GSE1: variants seen among roughly 807,000 people sequenced by gnomAD.
The protein encoded by GSE1 is genetic suppressor element 1.
A neutral mutation model predicts 112.6 loss-of-function variants in GSE1; 32 were observed. The ratio of observed to expected loss-of-function variants is 0.28; its 90% confidence interval spans 0.21 to 0.38. GSE1 has a LOEUF of 0.38. Ranked by LOEUF, GSE1 falls within the 10% of genes least tolerant of loss-of-function variation. GSE1 has a pLI of 1.00. For missense variants in GSE1, 2,348 were observed against 1,699.2 expected (o/e 1.38, Z -6.71); for synonymous variants, 1,115 against 735.6 (o/e 1.52, Z -8.35).
At chr16:85,626,008 C>A (rs1299783714) in intron 1 of GSE1, among the ~76,000 whole-genome samples, 1 of 152,126 alleles carries the variant, frequency 6.6e-6, no homozygotes, top group African/African-American at 2.4e-5. Flanking sequence ...AGGTCAGGAT[C>A]CTGGCCACCT....
chr16:85,552,645 G>C (rs1040451871), upstream of GSE1, among the ~76,000 whole-genome samples: 2 of 152,316 alleles, frequency 1.3e-5, no homozygotes, highest in Non-Finnish European at 2.9e-5. Flanking sequence ...GGTGGACCTC[G>C]ATGGCTGTCT....
intron 2 of GSE1, among the ~76,000 whole-genome samples, chr16:85,635,862 G>A (rs186542088): frequency 2.6e-5 from 4 of 152,342 alleles, no homozygotes; most frequent in Admixed American, 2.0e-4. Flanking sequence ...TCCTCGCCAA[G>A]GAAGGTGGTA....
At chr16:85,557,888 T>G (rs749031378) in intron 1 of GSE1, among the ~76,000 whole-genome samples, 1 of 152,148 alleles carries the variant, frequency 6.6e-6, no homozygotes, top group Non-Finnish European at 1.5e-5. Flanking sequence ...AGGTCTATGT[T>G]TTTTTCTTGG....
chr16:85,652,792 C>G (rs1003157062), intron 3 of GSE1, among the ~76,000 whole-genome samples: 2 of 152,158 alleles, frequency 1.3e-5, no homozygotes, highest in African/African-American at 2.4e-5. Context: ...TCTCAGAGCC[C>G]CTGGGCCATC....
intron 1 of GSE1, among the ~76,000 whole-genome samples, chr16:85,576,034 C>T (rs1357532244): frequency 2.0e-5 from 3 of 151,892 alleles, no homozygotes; most frequent in African/African-American, 4.8e-5. Context: ...GTTTCTTATC[C>T]TGGGCCCTGC....
rs996020651 is a variant in GSE1, at chr16:85,535,300, C to T, written c.2465-98614C>T. The stretch of plus-strand genomic sequence containing the variant: ...CAACAAGGCATCCTTACGGAGCCCT[C>T]GGGGAACGAGGTGCTCGTCTTTGCC... On this transcript the variant is annotated intron_variant, in intron 2 of 2. Coordinates refer to the GSE1 transcript ENST00000637419. Among the ~76,000 whole-genome samples, 6 of 152,240 alleles carry T rather than the reference C, an allele frequency of 3.9e-5. No homozygotes were observed. The South Asian group carries it at 6.2e-4, about 16-fold the overall frequency.
intron 2 of GSE1, among the ~76,000 whole-genome samples, chr16:85,443,085 CTGAT>C (rs1292645943): frequency 6.6e-6 from 1 of 152,226 alleles, no homozygotes; most frequent in Non-Finnish European, 1.5e-5. Context: ...TCTGAGATCT[CTGAT>C]TGATGACATC....
chr16:85,392,970 C>G (rs2047877677), intron 2 of GSE1, among the ~76,000 whole-genome samples: 1 of 152,230 alleles, frequency 6.6e-6, no homozygotes, highest in African/African-American at 2.4e-5. Context: ...CTCTCCCTGC[C>G]TCTTTGGGCT....
chr16:85,665,356 G>C (rs1164863854), intron 12 of GSE1, among the ~76,000 whole-genome samples: 1 of 152,232 alleles, frequency 6.6e-6, no homozygotes, highest in Non-Finnish European at 1.5e-5. Flanking sequence ...GGCTTCTGTG[G>C]AGCTCTACGT....
chr16:85,253,501 C>T (rs898023526), intron 1 of GSE1, among the ~76,000 whole-genome samples: 2 of 152,246 alleles, frequency 1.3e-5, no homozygotes, highest in Non-Finnish European at 2.9e-5. Context: ...TCTGCCTCCT[C>T]TTTCTGGAGT....
At chr16:85,619,994 C>T (rs2048628913) in intron 1 of GSE1, among the ~76,000 whole-genome samples, 4 of 152,162 alleles carry the variant, frequency 2.6e-5, no homozygotes, top group African/African-American at 7.2e-5. Flanking sequence ...TTCGGAAGGC[C>T]CTGTTTAACC....
upstream of GSE1, among the ~76,000 whole-genome samples, chr16:85,553,446 G>GCGGGCGGCCC (rs1343495810): frequency 3.3e-5 from 5 of 151,716 alleles, no homozygotes; most frequent in African/African-American, 1.2e-4. Flanking sequence ...GGCGGCGGGC[G>GCGGGCGGCCC]CGGGCGGCCC....
intron 2 of GSE1, among the ~76,000 whole-genome samples, chr16:85,644,358 A>AAT (rs1347677695): frequency 6.6e-6 from 1 of 151,614 alleles, no homozygotes; most frequent in African/African-American, 2.4e-5. Context: ...AAAAAAAAAA[A>AAT]AAGAGTGTTG....
intron 1 of GSE1, among the ~76,000 whole-genome samples, chr16:85,343,154 G>A (rs569396429): frequency 2.0e-5 from 3 of 152,048 alleles, no homozygotes; most frequent in Non-Finnish European, 2.9e-5. Flanking sequence ...TCCACACTAC[G>A]GCACGCTCCT....
At chr16:85,446,262 G>T (rs1215635091) in intron 2 of GSE1, among the ~76,000 whole-genome samples, 2 of 152,210 alleles carry the variant, frequency 1.3e-5, no homozygotes, top group Admixed American at 1.3e-4. Flanking sequence ...AGTTGAACGT[G>T]GGAGCTCTGG....
At chr16:85,238,484 G>T (rs1904892612) in intron 1 of GSE1, among the ~76,000 whole-genome samples, 1 of 152,210 alleles carries the variant, frequency 6.6e-6, no homozygotes, top group Admixed American at 6.5e-5. Context: ...TCCCGAGCCT[G>T]CGTGAGGGCC....
intron 2 of GSE1, among the ~76,000 whole-genome samples, chr16:85,478,444 C>T (rs573452821): frequency 3.3e-5 from 5 of 151,254 alleles, no homozygotes; most frequent in South Asian, 2.1e-4. Flanking sequence ...GGAGAATCAC[C>T]TGAATGTGGG....
intron 1 of GSE1, among the ~76,000 whole-genome samples, chr16:85,269,676 C>T (rs1908631674): frequency 6.7e-6 from 1 of 149,166 alleles, no homozygotes; most frequent in African/African-American, 2.4e-5. Flanking sequence ...TCAGTGCCCA[C>T]CTTGAAGCCC....
chr16:85,542,425 G>T (rs775205641), intron 2 of GSE1, among the ~76,000 whole-genome samples: 18 of 152,216 alleles, frequency 1.2e-4, no homozygotes, highest in Non-Finnish European at 1.9e-4. Context: ...TGCCACAGGG[G>T]CAGAACCGTG....
Sources: allele counts gnomAD v4.1 joint callset (sites outside exome capture counted in the v4.1 genomes callset), GRCh38; gene constraint gnomAD v4.1.1; transcripts MANE v1.5; gene names NCBI Gene and HGNC (gene_info 2026-07-23, HGNC 2026-07-21).